The following ZNF383 variants were observed in gnomAD, a reference collection of about 807,000 sequenced individuals.
ZNF383 encodes zinc finger protein 383.
A neutral mutation model predicts 44.2 loss-of-function variants in ZNF383; 32 were observed. That is an observed-to-expected ratio of 0.72 (90% CI 0.55 to 0.97). ZNF383 has a LOEUF of 0.97. Among genes scored for constraint, ZNF383 ranks in the 50% least tolerant of loss-of-function variants. The pLI is 0.00. For missense variants in ZNF383, 487 were observed against 562.5 expected (o/e 0.87, Z 1.36); for synonymous variants, 155 against 186.2 (o/e 0.83, Z 1.36).
intron 2 of ZNF383, among the ~76,000 whole-genome samples, chr19:37,229,786 GTA>G (rs386365554): frequency 0.013 from 1,164 of 91,118 alleles, 8 homozygotes; most frequent in African/African-American, 0.038. Flanking sequence ...ATATGTGTGT[GTA>G]TATATATATA....
intron 3 of ZNF383, among the ~76,000 whole-genome samples, chr19:37,233,186 A>G (rs1248908427): frequency 5.3e-5 from 8 of 152,076 alleles, no homozygotes; most frequent in African/African-American, 1.7e-4. Context: ...GCTGGAGTGC[A>G]GTGGTGATAT....
intron 3 of ZNF383, 48 bp downstream of exon 3, chr19:37,230,510 A>C (rs909806496): frequency 6.2e-7 from 1 of 1,608,222 alleles, no homozygotes; most frequent in Non-Finnish European, 8.5e-7. Context: ...TTTAAAAAAA[A>C]AAAAAAGACA....
rs1248936648 is a variant in ZNF383, at chr19:37,243,664, A to G, written c.1428A>G (p.Ter476=). Reference sequence around the variant, plus strand: ...ATCAGGGAATTCATACTAATAAATAATAAAAATTAAAGCCCCTGTCACCTT... The same window carrying G: ...ATCAGGGAATTCATACTAATAAATAGTAAAAATTAAAGCCCCTGTCACCTT... ...IRHQGIHTNK[*] The change falls in exon 6 of 6, where the codon TAA becomes TAG. Residue 476 remains the stop codon, a stop_retained_variant. Transcript: ENST00000684119. The G allele has an allele frequency of 2.0e-6, 3 of 1,493,314 alleles. No individual in the cohort carries two copies. In the Admixed American group the frequency reaches 6.7e-5, roughly 33 times the overall value. The allele number at this position is 1,493,314 out of a possible 1,614,324, so 92.5% of individuals were successfully genotyped here.
In ZNF383 at chr19:37,248,642, A is replaced by G. The variant is rs1034688278; in HGVS notation, c.*4978A>G. The G allele has an allele frequency of 6.6e-6, 1 of 152,228 alleles. No homozygotes were observed. Among genetic ancestry groups the G allele is most frequent in the Non-Finnish European group, 1.5e-5 (1 of 68,048 alleles). The allele number at this position is 152,228 out of a possible 1,614,324, so 9.4% of individuals were successfully genotyped here. A position where few individuals can be genotyped will look rare whatever the true frequency, so the allele number is the denominator to read the frequency against. ...TAACTAAAGTTCTGTCAATGAAAAT[A>G]TATGCTCTAACCTCAACATCTTCTA... On this transcript the variant is annotated 3_prime_UTR_variant, in exon 6 of 6. Coordinates refer to ENST00000684119, the MANE Select transcript of ZNF383 (RefSeq NM_001387601.1).
chr19:37,233,564 G>T (rs1035836595), intron 3 of ZNF383, among the ~76,000 whole-genome samples: 7 of 151,654 alleles, frequency 4.6e-5, no homozygotes, highest in Non-Finnish European at 7.4e-5. Flanking sequence ...CGAGTAGCTG[G>T]GACTACAGGC....
chr19:37,244,270 A>C lies in ZNF383; in HGVS notation c.*606A>C, dbSNP rs1412122054. Reference sequence around the variant, plus strand: ...TGCTAATTTTCTATTTTTAGTAGAGACAGGGTTTCTCCATGTTGGTCAGGA... The same window carrying C: ...TGCTAATTTTCTATTTTTAGTAGAGCCAGGGTTTCTCCATGTTGGTCAGGA... On this transcript the variant is annotated 3_prime_UTR_variant, in exon 6 of 6. Transcript: ENST00000684119. 6.6e-6 allele frequency: 1 copy of C among 152,138 alleles called. No individual in the cohort carries two copies. Among genetic ancestry groups the C allele is most frequent in the Non-Finnish European group, 1.5e-5 (1 of 68,114 alleles). The allele number at this position is 152,138 out of a possible 1,614,324, so 9.4% of individuals were successfully genotyped here.
At chr19:37,242,387 TTTAA>T (rs1475966966) in intron 5 of ZNF383, 78 bp from the exon 6 acceptor site, 1 of 904,912 alleles carries the variant, frequency 1.1e-6, no homozygotes, top group East Asian at 2.6e-5. Flanking sequence ...CTATTCTTAC[TTTAA>T]TTTTTCCATT....
At position 37,243,195 on chromosome 19, in the gene ZNF383, C is replaced by T. The variant is rs749415303; in HGVS notation, c.959C>T (p.Thr320Ile). 1 of 1,613,972 alleles carries T rather than the reference C, an allele frequency of 6.2e-7. No individual in the cohort carries two copies. The highest frequency in any genetic ancestry group is 8.5e-7 in the Non-Finnish European group (1 of 1,179,996). The change falls in exon 6 of 6, where the codon ACC becomes ATC. Residue 320 changes from threonine (T) to isoleucine (I), a missense_variant. Coordinates refer to ENST00000684119, the MANE Select transcript of ZNF383 (RefSeq NM_001387601.1). Reference sequence around the variant, plus strand: ...TGTAAGGAATGTGGCAAAGCCTTTACCCAGAGCTCAAAGCTTGTTCAACAT... The same window carrying T: ...TGTAAGGAATGTGGCAAAGCCTTTATCCAGAGCTCAAAGCTTGTTCAACAT... ...YECKECGKAF[T>I]QSSKLVQHQR...
At chr19:37,235,485 A>C (rs1973742660) in intron 3 of ZNF383, 64 bp from the exon 4 acceptor site, 2 of 1,564,522 alleles carry the variant, frequency 1.3e-6, no homozygotes, top group Admixed American at 3.4e-5. Context: ...CCCACAATAC[A>C]AGCATCGTAG....
rs1258545478 is a variant in ZNF383 at position 37,245,633 on chromosome 19, C to G, written c.*1969C>G. The G allele has an allele frequency of 2.0e-5, 3 of 151,902 alleles. No homozygotes were observed. Among genetic ancestry groups the G allele is most frequent in the African/African-American group, 2.4e-5 (1 of 41,368 alleles). 9.4% of individuals were successfully genotyped at this position (151,902 alleles called of 1,614,324 possible). On this transcript the variant is annotated 3_prime_UTR_variant, in exon 6 of 6. Coordinates refer to ENST00000684119, the MANE Select transcript of ZNF383 (RefSeq NM_001387601.1). ...GAGACTACAGGCGCACGACACCATG[C>G]CTGGCTAATTTTTGTATTTTTAGTA...
Position 37,247,039 on chromosome 19 carries a change from A to G in ZNF383, c.*3375A>G, listed in dbSNP as rs570114924. 2 of 152,320 alleles carry G rather than the reference A, an allele frequency of 1.3e-5. No homozygotes were observed. The highest frequency in any genetic ancestry group is 2.1e-4 in the South Asian group (1 of 4,834). 9.4% of individuals were successfully genotyped at this position (152,320 alleles called of 1,614,324 possible). A position where few individuals can be genotyped will look rare whatever the true frequency, so the allele number is the denominator to read the frequency against. On this transcript the variant is annotated 3_prime_UTR_variant, in exon 6 of 6. Transcript: ENST00000684119. Reference sequence around the variant, plus strand: ...ATGGGTTAAGGAATAAATCCCTAATATATACATTATTTAAATGTACATGAA... The same window carrying G: ...ATGGGTTAAGGAATAAATCCCTAATGTATACATTATTTAAATGTACATGAA...
At chr19:37,234,452 G>T (rs994651604) in intron 3 of ZNF383, among the ~76,000 whole-genome samples, 1 of 151,960 alleles carries the variant, frequency 6.6e-6, no homozygotes, top group Non-Finnish European at 1.5e-5. Context: ...GCAGTGGCGC[G>T]ATCTCGGCTC....
chr19:37,224,577 G>C (rs913769511), intron 1 of ZNF383, among the ~76,000 whole-genome samples: 1 of 151,888 alleles, frequency 6.6e-6, no homozygotes, highest in African/African-American at 2.4e-5. Flanking sequence ...TGAGAGACGG[G>C]CCTCTCACTC....
intron 3 of ZNF383, among the ~76,000 whole-genome samples, chr19:37,231,398 TC>T (rs1973480886): frequency 6.6e-6 from 1 of 151,892 alleles, no homozygotes; most frequent in Non-Finnish European, 1.5e-5. Flanking sequence ...GGTGGCACAT[TC>T]CTGTAGTCCC....
chr19:37,218,997 C>G (rs1405483787), intron 1 of ZNF383, among the ~76,000 whole-genome samples: 2 of 152,032 alleles, frequency 1.3e-5, no homozygotes, highest in African/African-American at 4.8e-5. Context: ...TGTAAATATG[C>G]TAGTGTAACT....
intron 3 of ZNF383, among the ~76,000 whole-genome samples, chr19:37,232,657 C>G (rs1034613906): frequency 1.3e-5 from 2 of 152,086 alleles, no homozygotes; most frequent in African/African-American, 2.4e-5. Flanking sequence ...AAGTGGAATA[C>G]GTCTATCTAT....
chr19:37,224,514 T>A (rs1180745970), intron 1 of ZNF383, among the ~76,000 whole-genome samples: 5 of 152,122 alleles, frequency 3.3e-5, no homozygotes. Flanking sequence ...GGGTCCCTTT[T>A]TATACTTCAT....
chr19:37,241,093 CA>C (rs1974062081), intron 5 of ZNF383, among the ~76,000 whole-genome samples: 2 of 152,226 alleles, frequency 1.3e-5, no homozygotes, highest in African/African-American at 4.8e-5. Context: ...AGGTGTGAGC[CA>C]CCATGCCCAG....
rs1207121181 is a variant in ZNF383 at position 37,218,269 on chromosome 19, C to T, written c.-173C>T. ...TGGGTCTTGCAGGCTCGGCTGGGGC[C>T]CGCAGGTACGTGCATGGGAGTTTGA... On this transcript the variant is annotated 5_prime_UTR_variant, in exon 1 of 6. Transcript: ENST00000684119. 1 of 152,510 alleles carries T rather than the reference C, an allele frequency of 6.6e-6. No individual in the cohort carries two copies. The highest frequency in any genetic ancestry group is 1.5e-5 in the Non-Finnish European group (1 of 68,336). The allele number at this position is 152,510 out of a possible 1,614,324, so 9.4% of individuals were successfully genotyped here. A position where few individuals can be genotyped will look rare whatever the true frequency, so the allele number is the denominator to read the frequency against.
Sources: gnomAD v4.1 joint callset for allele counts (sites outside exome capture counted in the v4.1 genomes callset) on GRCh38, gnomAD v4.1.1 for gene constraint, MANE v1.5 for transcripts, NCBI Gene and HGNC (gene_info 2026-07-23, HGNC 2026-07-21) for gene names.